TAMM41: variants seen among roughly 807,000 people sequenced by gnomAD.
The protein encoded by TAMM41 is TAM41 mitochondrial translocator assembly and maintenance homolog.
In TAMM41, 36 loss-of-function variants were observed where a neutral mutation model predicts 44.1. That is an observed-to-expected ratio of 0.82 (90% CI 0.63 to 1.08). The LOEUF (loss-of-function observed/expected upper bound fraction) is 1.08. TAMM41 is among the 50% of genes least tolerant of loss of function. TAMM41 has a pLI of 0.00. For synonymous variants in TAMM41, 164 were observed against 153.1 expected (o/e 1.07, Z -0.53); for missense variants, 417 against 404.3 (o/e 1.03, Z -0.27).
chr3:11,743,045 A>G, the TAMM41 span, among the ~76,000 whole-genome samples: 127 of 152,314 alleles, frequency 8.3e-4, no homozygotes, highest in African/African-American at 3.0e-3. Context: ...ACAGCCACGC[A>G]AGATTTTACG....
At chr3:11,772,581 C>G in the TAMM41 span, among the ~76,000 whole-genome samples, 1 of 151,894 alleles carries the variant, frequency 6.6e-6, no homozygotes, top group Admixed American at 6.6e-5. Flanking sequence ...ATCACATTTT[C>G]TTTATCTGAT....
intron 4 of TAMM41, among the ~76,000 whole-genome samples, chr3:11,823,254 G>GTTTT (rs912198535): frequency 2.7e-4 from 34 of 126,722 alleles, no homozygotes; most frequent in African/African-American, 3.7e-4. Context: ...TGTTGTTGTT[G>GTTTT]TTTTTTTTTT....
chr3:11,725,873 A>G, the TAMM41 span, among the ~76,000 whole-genome samples: 1 of 152,162 alleles, frequency 6.6e-6, no homozygotes, highest in Non-Finnish European at 1.5e-5. Context: ...CGTGGGGTGG[A>G]ATGGCTTTAA....
At chr3:11,780,933 G>A in the TAMM41 span, among the ~76,000 whole-genome samples, 115 of 152,254 alleles carry the variant, frequency 7.6e-4, no homozygotes, top group Non-Finnish European at 1.4e-3. Context: ...TTCTCACCTT[G>A]CATTATGAGA....
intron 5 of TAMM41, among the ~76,000 whole-genome samples, chr3:11,816,344 TAAACA>T (rs903689151): frequency 6.6e-5 from 10 of 151,666 alleles, no homozygotes; most frequent in Non-Finnish European, 1.5e-4. Context: ...CCAGACATAA[TAAACA>T]AAACAAGTGG....
the TAMM41 span, among the ~76,000 whole-genome samples, chr3:11,736,188 T>C: frequency 6.6e-6 from 1 of 152,156 alleles, no homozygotes; most frequent in Non-Finnish European, 1.5e-5. Flanking sequence ...AACCGTCTCA[T>C]AATGTGGAGT....
intron 7 of TAMM41, among the ~76,000 whole-genome samples, chr3:11,792,368 G>A (rs1314768593): frequency 6.6e-6 from 1 of 152,080 alleles, no homozygotes; most frequent in East Asian, 1.9e-4. Flanking sequence ...CCTTTCCCTG[G>A]GCCTCAATTT....
chr3:11,826,410 T>C (rs1460825205), intron 4 of TAMM41, among the ~76,000 whole-genome samples: 1 of 151,260 alleles, frequency 6.6e-6, no homozygotes, highest in Non-Finnish European at 1.5e-5. Context: ...GTGCCTGTGG[T>C]CCCAGCTACT....
the TAMM41 span, among the ~76,000 whole-genome samples, chr3:11,729,288 G>T: frequency 2.0e-3 from 302 of 151,996 alleles, 2 homozygotes; most frequent in African/African-American, 7.0e-3. Context: ...TCACTGGGCT[G>T]GGACGGGAAA....
At position 11,829,845 on chromosome 3, in the gene TAMM41, T is replaced by C; in HGVS notation, c.431A>G (p.Asn144Ser). ...GGCTGATCTAAGAGTGACATCCTCG[T>C]TCACTGAGATAATTTTCACCTGAAA... ...LQKPVKIISV[N>S]EDVTLRSALD... The change falls in exon 4 of 8, where the codon AAC becomes AGC. Residue 144 changes from asparagine (N) to serine (S), a missense_variant. By Grantham distance (46) the Asn-to-Ser change is conservative. Transcript: ENST00000455809. 6.2e-7 allele frequency: 1 copy of C among 1,614,158 alleles called. No homozygotes were observed.
intron 4 of TAMM41, among the ~76,000 whole-genome samples, chr3:11,817,841 G>GT (rs1163011984): frequency 1.3e-5 from 2 of 152,210 alleles, no homozygotes; most frequent in South Asian, 2.1e-4. Flanking sequence ...TAAAAGTTCT[G>GT]TAAGAGGAGG....
the TAMM41 span, among the ~76,000 whole-genome samples, chr3:11,784,046 C>A: frequency 6.6e-6 from 1 of 152,132 alleles, no homozygotes; most frequent in Admixed American, 6.6e-5. Flanking sequence ...ACTACAACAA[C>A]CCGATACAGA....
chr3:11,782,815 G>A, the TAMM41 span, among the ~76,000 whole-genome samples: 3 of 152,310 alleles, frequency 2.0e-5, no homozygotes, highest in South Asian at 2.1e-4. Flanking sequence ...CAAGCTCAGT[G>A]ATTTTTTGGT....
intron 7 of TAMM41, among the ~76,000 whole-genome samples, chr3:11,791,724 T>C (rs185200938): frequency 6.6e-6 from 1 of 152,278 alleles, no homozygotes; most frequent in Admixed American, 6.5e-5. Context: ...CTTAGAGCCT[T>C]GGAAAAGACC....
At chr3:11,805,191 G>A (rs1282925684) in intron 7 of TAMM41, among the ~76,000 whole-genome samples, 2 of 151,858 alleles carry the variant, frequency 1.3e-5, no homozygotes, top group East Asian at 1.9e-4. Flanking sequence ...TAGTAGAGAC[G>A]GGGTTTCACC....
At chr3:11,731,944 G>A in the TAMM41 span, among the ~76,000 whole-genome samples, 1 of 150,772 alleles carries the variant, frequency 6.6e-6, no homozygotes, top group African/African-American at 2.4e-5. Context: ...TCGGCTCACT[G>A]CAACCGCTGC....
At chr3:11,740,869 C>T in the TAMM41 span, among the ~76,000 whole-genome samples, 10 of 148,176 alleles carry the variant, frequency 6.7e-5, 1 homozygote, top group South Asian at 2.1e-4. Context: ...CCAGCCTGAC[C>T]GGTAATTTCT....
intron 4 of TAMM41, among the ~76,000 whole-genome samples, chr3:11,827,908 G>C (rs75859122): frequency 0.12 from 18,864 of 152,126 alleles, 2,504 homozygotes; most frequent in East Asian, 0.48. Flanking sequence ...AACATGGACA[G>C]ACATGGTTTT....
chr3:11,758,171 T>C, the TAMM41 span, among the ~76,000 whole-genome samples: 111 of 152,262 alleles, frequency 7.3e-4, no homozygotes, highest in African/African-American at 2.5e-3. Flanking sequence ...CGATCCCAGT[T>C]GTCTGGAGGT....
Sources: gnomAD v4.1 joint callset for allele counts (sites outside exome capture counted in the v4.1 genomes callset) on GRCh38, gnomAD v4.1.1 for gene constraint, MANE v1.5 for transcripts, NCBI Gene and HGNC (gene_info 2026-07-23, HGNC 2026-07-21) for gene names.